The following NELL2 variants were observed in gnomAD, a reference collection of about 807,000 sequenced individuals.
NELL2 encodes protein kinase C-binding protein NELL2.
NELL2 carries 41 observed loss-of-function variants against 109.6 expected under a neutral mutation model. The ratio of observed to expected loss-of-function variants is 0.37; its 90% CI spans 0.29 to 0.49. NELL2 has a LOEUF of 0.49. Ranked by LOEUF, NELL2 falls within the 20% of genes least tolerant of loss-of-function variation. NELL2 has a pLI of 0.98. For missense variants in NELL2, 900 were observed against 1,008.3 expected (o/e 0.89, Z 1.45); for synonymous variants, 355 against 344.7 (o/e 1.03, Z -0.33).
chr12:44,654,159 G>A (rs1045551924), intron 13 of NELL2, among the ~76,000 whole-genome samples: 1 of 152,274 alleles, frequency 6.6e-6, no homozygotes, highest in Non-Finnish European at 1.5e-5. Context: ...ATACTGTGCT[G>A]TAATGATTGA....
chr12:44,539,577 T>G (rs1201987917), intron 15 of NELL2, among the ~76,000 whole-genome samples: 2 of 152,188 alleles, frequency 1.3e-5, no homozygotes, highest in Non-Finnish European at 2.9e-5. Flanking sequence ...TTAAATAAAC[T>G]TTATTGAGGT....
chr12:44,816,736 T>C (rs992755505), intron 2 of NELL2, among the ~76,000 whole-genome samples: 1 of 152,202 alleles, frequency 6.6e-6, no homozygotes, highest in African/African-American at 2.4e-5. Context: ...AAAAAAAGAA[T>C]ACGTAGAACT....
At position 44,740,260 on chromosome 12, in the gene NELL2, TA is replaced by T. The variant is rs1939879804; in HGVS notation, c.995-25520del. 5.3e-5 allele frequency among the ~76,000 whole-genome samples: 8 copies of T among 152,298 alleles called. No homozygotes were observed. In the South Asian group the frequency reaches 1.7e-3, roughly 32 times the overall value. The stretch of plus-strand genomic sequence containing the variant: ...AAGAACGACGTACAGATACGTACAG[TA>T]TATCAGATGATATACTGATGTTTCC... On this transcript the variant is annotated intron_variant, in intron 9 of 19. Coordinates refer to ENST00000429094, the MANE Select transcript of NELL2 (RefSeq NM_001145108.2).
At chr12:44,858,540 T>A (rs1348501095) in intron 2 of NELL2, among the ~76,000 whole-genome samples, 2 of 152,306 alleles carry the variant, frequency 1.3e-5, no homozygotes, top group South Asian at 2.1e-4. Flanking sequence ...TATGCTATAC[T>A]TTTTTCTTCC....
intron 2 of NELL2, among the ~76,000 whole-genome samples, chr12:44,838,747 C>A (rs1011747703): frequency 1.2e-4 from 18 of 152,318 alleles, no homozygotes; most frequent in Non-Finnish European, 2.4e-4. Flanking sequence ...GACATGTCTA[C>A]AGCTCTTCTA....
chr12:44,514,790 T>G (rs1592052543), intron 19 of NELL2, among the ~76,000 whole-genome samples: 1 of 151,408 alleles, frequency 6.6e-6, no homozygotes, highest in East Asian at 1.9e-4. Flanking sequence ...GCAAAAATAA[T>G]AACATGGAAC....
At chr12:44,539,052 A>T (rs1386069630) in intron 15 of NELL2, among the ~76,000 whole-genome samples, 1 of 151,832 alleles carries the variant, frequency 6.6e-6, no homozygotes, top group Non-Finnish European at 1.5e-5. Flanking sequence ...GCTTTCCTGG[A>T]CTCCAGAGAC....
intron 15 of NELL2, among the ~76,000 whole-genome samples, chr12:44,597,850 G>A (rs1462801167): frequency 6.6e-6 from 1 of 152,186 alleles, no homozygotes; most frequent in East Asian, 1.9e-4. Context: ...ATGAGTGTGG[G>A]CCAAAGATGG....
intron 15 of NELL2, among the ~76,000 whole-genome samples, chr12:44,538,110 T>C (rs1038598623): frequency 6.6e-6 from 1 of 152,210 alleles, no homozygotes; most frequent in Admixed American, 6.5e-5. Flanking sequence ...CTTATCCTTA[T>C]GTCATAGACA....
At chr12:44,579,071 T>A (rs1944226171) in intron 15 of NELL2, among the ~76,000 whole-genome samples, 2 of 152,188 alleles carry the variant, frequency 1.3e-5, no homozygotes, top group Non-Finnish European at 2.9e-5. Flanking sequence ...TTTTACTCTC[T>A]AAAAACATCA....
At position 44,532,660 on chromosome 12, in the gene NELL2, C is replaced by T. The variant is rs199831174; in HGVS notation, c.1725G>A (p.Leu575=). ...QCDSRANCIN[L]PGWYHCECRD... ...TGCACTCACAGTGGTACCATCCAGG[C>T]AGGTTAATGCAATTAGCACGACTGT... Residue 575 remains leucine (L), a synonymous_variant, in exon 16 of 20, where the codon CTG becomes CTA. Transcript: ENST00000429094. The T allele has an allele frequency of 7.2e-4, 1,155 of 1,613,598 alleles. 16 individuals carry two copies. In the South Asian group the frequency reaches 0.012, roughly 16 times the overall value.
At chr12:44,691,205 C>T (rs985625616) in intron 12 of NELL2, among the ~76,000 whole-genome samples, 1 of 152,158 alleles carries the variant, frequency 6.6e-6, no homozygotes, top group African/African-American at 2.4e-5. Flanking sequence ...ACCAAGTCTG[C>T]CAGCACCATT....
intron 2 of NELL2, among the ~76,000 whole-genome samples, chr12:44,843,604 T>TA (rs1227817938): frequency 6.6e-6 from 1 of 152,232 alleles, no homozygotes; most frequent in East Asian, 1.9e-4. Context: ...TGTAACAAAA[T>TA]ATCTGAGACT....
intron 12 of NELL2, among the ~76,000 whole-genome samples, chr12:44,670,385 TGTAAA>T (rs1480742952): frequency 6.6e-6 from 1 of 151,732 alleles, no homozygotes; most frequent in Non-Finnish European, 1.5e-5. Context: ...CCCATCAAAT[TGTAAA>T]GTAAACAACA....
chr12:44,525,637 A>G (rs1941732747), intron 16 of NELL2, among the ~76,000 whole-genome samples: 1 of 152,108 alleles, frequency 6.6e-6, no homozygotes, highest in Non-Finnish European at 1.5e-5. Context: ...GCTTTGAAAA[A>G]CCTATCATGG....
intron 19 of NELL2, 130 bp from the exon 20 acceptor site, chr12:44,509,114 C>A (rs1348906806): frequency 4.1e-6 from 3 of 727,174 alleles, no homozygotes; most frequent in Non-Finnish European, 6.9e-6. Context: ...AATTCAATGG[C>A]CCAATCACTT....
chr12:44,870,670 C>A (rs1434229285), intron 2 of NELL2, among the ~76,000 whole-genome samples: 1 of 152,136 alleles, frequency 6.6e-6, no homozygotes. Context: ...CCACTATCAC[C>A]TTTAAAGCCA....
intron 9 of NELL2, among the ~76,000 whole-genome samples, chr12:44,754,886 G>A (rs1203157227): frequency 6.6e-6 from 1 of 152,048 alleles, no homozygotes; most frequent in Non-Finnish European, 1.5e-5. Context: ...TTTCCATTAA[G>A]ATTTACTATC....
At chr12:44,899,643 C>G (rs929254347) in intron 1 of NELL2, among the ~76,000 whole-genome samples, 1 of 152,106 alleles carries the variant, frequency 6.6e-6, no homozygotes, top group Non-Finnish European at 1.5e-5. Context: ...AAACTGGTAC[C>G]AACCACTGCA....
Sources: allele counts gnomAD v4.1 joint callset (sites outside exome capture counted in the v4.1 genomes callset), GRCh38; gene constraint gnomAD v4.1.1; transcripts MANE v1.5; gene names NCBI Gene and HGNC (gene_info 2026-07-23, HGNC 2026-07-21).